The following MAPKAP1 variants were observed in gnomAD, a reference collection of about 807,000 sequenced individuals.
MAPKAP1 encodes the protein target of rapamycin complex 2 subunit MAPKAP1.
In MAPKAP1, 20 loss-of-function variants were observed where a neutral mutation model predicts 65.7. That is an observed-to-expected ratio of 0.30 (90% CI 0.21 to 0.44). MAPKAP1 has a LOEUF of 0.44. MAPKAP1 is among the 20% of genes least tolerant of loss of function. MAPKAP1 has a pLI of 1.00. For synonymous variants in MAPKAP1, 222 were observed against 244.3 expected (o/e 0.91, Z 0.85); for missense variants, 423 against 648.0 (o/e 0.65, Z 3.77).
At chr9:125,470,315 C>T (rs545072087) in intron 9 of MAPKAP1, among the ~76,000 whole-genome samples, 4 of 152,248 alleles carry the variant, frequency 2.6e-5, no homozygotes, top group East Asian at 3.9e-4. Flanking sequence ...GATTTATTGC[C>T]GTACTGAGTT....
At chr9:125,594,424 C>A (rs956809391) in intron 4 of MAPKAP1, among the ~76,000 whole-genome samples, 5 of 152,164 alleles carry the variant, frequency 3.3e-5, no homozygotes, top group African/African-American at 1.2e-4. Context: ...CCTGGCTTTA[C>A]CACTTCCTTA....
intron 7 of MAPKAP1, chr9:125,521,826 G>T: frequency 6.4e-7 from 1 of 1,550,718 alleles, no homozygotes; most frequent in Non-Finnish European, 8.9e-7. Context: ...CCTTCTCTGA[G>T]CTACATGAAA....
In MAPKAP1 at chr9:125,705,484, T is replaced by G. The variant is rs145687595; in HGVS notation, c.-70+1487A>C. Among the ~76,000 whole-genome samples, 499 of 152,282 alleles carry G rather than the reference T, an allele frequency of 3.3e-3. 5 individuals carry two copies. Among genetic ancestry groups the G allele is most frequent in the South Asian group, 0.023 (109 of 4,820 alleles). ...CCGCACCTACCACTGTCACAAGAAC[T>G]CTCACACAATGTACTTATCACGGTG... On this transcript the variant is annotated intron_variant, in intron 1 of 11. Coordinates refer to ENST00000265960, the MANE Select transcript of MAPKAP1 (RefSeq NM_001006617.3).
intron 1 of MAPKAP1, among the ~76,000 whole-genome samples, chr9:125,693,593 A>G (rs1835253020): frequency 6.6e-6 from 1 of 150,716 alleles, no homozygotes; most frequent in Admixed American, 6.6e-5. Context: ...ATACACGTAT[A>G]CACACACACA....
intron 8 of MAPKAP1, among the ~76,000 whole-genome samples, chr9:125,496,817 T>A (rs371925730): frequency 3.9e-4 from 60 of 152,264 alleles, no homozygotes; most frequent in African/African-American, 1.3e-3. Flanking sequence ...CAAGTTCTCC[T>A]TAAAAGCCAT....
chr9:125,591,707 G>A (rs1831970333), intron 4 of MAPKAP1, among the ~76,000 whole-genome samples: 3 of 152,156 alleles, frequency 2.0e-5, no homozygotes, highest in Non-Finnish European at 4.4e-5. Context: ...GGTGGTGGCA[G>A]TTAGCTCTAT....
At chr9:125,481,344 C>T (rs536656622) in intron 9 of MAPKAP1, among the ~76,000 whole-genome samples, 11 of 152,048 alleles carry the variant, frequency 7.2e-5, no homozygotes, top group African/African-American at 1.5e-4. Context: ...GGGGAATGAG[C>T]GGGGATGGAT....
chr9:125,701,300 A>T (rs999116656), intron 1 of MAPKAP1, among the ~76,000 whole-genome samples: 42 of 152,352 alleles, frequency 2.8e-4, no homozygotes, highest in African/African-American at 9.9e-4. Context: ...CATCAGTAAT[A>T]AAAGTATATT....
rs1376352749 is a variant in MAPKAP1, at chr9:125,647,039, C to T, written c.498+10612G>A. Among the ~76,000 whole-genome samples the T allele has an allele frequency of 2.0e-5, 3 of 152,230 alleles. 1 individual carries two copies. Among genetic ancestry groups the T allele is most frequent in the Non-Finnish European group, 4.4e-5 (3 of 68,044 alleles). ...GTTCTCCAGCACCAGCCTTAAATCA[C>T]GCTCTGGTGATGAATCTTTATCTGA... On this transcript the variant is annotated intron_variant, in intron 4 of 11. Transcript: ENST00000265960.
At chr9:125,605,998 T>A (rs182734509) in intron 4 of MAPKAP1, among the ~76,000 whole-genome samples, 87 of 152,306 alleles carry the variant, frequency 5.7e-4, no homozygotes, top group Admixed American at 1.0e-3. Flanking sequence ...AGGAGATCAC[T>A]CTCTTTGAAA....
At chr9:125,607,415 A>T (rs1007346790) in intron 4 of MAPKAP1, among the ~76,000 whole-genome samples, 2 of 152,236 alleles carry the variant, frequency 1.3e-5, no homozygotes, top group African/African-American at 4.8e-5. Flanking sequence ...ATCACCCCAT[A>T]CATTTGACAT....
intron 4 of MAPKAP1, among the ~76,000 whole-genome samples, chr9:125,619,262 G>A (rs1458944317): frequency 6.6e-6 from 1 of 152,140 alleles, no homozygotes; most frequent in Admixed American, 6.5e-5. Flanking sequence ...CCAACTTTTA[G>A]CTTAATGACA....
chr9:125,504,870 A>T (rs1010807099), intron 8 of MAPKAP1, among the ~76,000 whole-genome samples: 4 of 152,158 alleles, frequency 2.6e-5, no homozygotes, highest in African/African-American at 7.2e-5. Flanking sequence ...TTAGAGGGTC[A>T]GTGGCATGAG....
intron 3 of MAPKAP1, among the ~76,000 whole-genome samples, chr9:125,666,366 T>C (rs935048814): frequency 6.6e-6 from 1 of 152,226 alleles, no homozygotes; most frequent in African/African-American, 2.4e-5. Context: ...AACTGGATGT[T>C]GACAGAATAA....
intron 10 of MAPKAP1, among the ~76,000 whole-genome samples, chr9:125,466,037 G>A (rs1436427270): frequency 1.3e-5 from 2 of 152,204 alleles, no homozygotes; most frequent in Non-Finnish European, 2.9e-5. Context: ...GCTTGCCAAT[G>A]TCTGCAAAGG....
intron 10 of MAPKAP1, among the ~76,000 whole-genome samples, chr9:125,459,828 T>G: frequency 1.4e-5 from 2 of 142,500 alleles, no homozygotes; most frequent in African/African-American, 5.5e-5. Flanking sequence ...AGGGAGACCG[T>G]GGAAAGAGAG....
chr9:125,698,323 ATATATATATATAT>A (rs1564622588), intron 1 of MAPKAP1, among the ~76,000 whole-genome samples: 17 of 101,244 alleles, frequency 1.7e-4, no homozygotes, highest in Non-Finnish European at 2.9e-4. Flanking sequence ...ATATATATAT[ATATATATATATAT>A]AAAATATATA....
chr9:125,490,483 G>A (rs1854663551), intron 8 of MAPKAP1, among the ~76,000 whole-genome samples: 1 of 152,078 alleles, frequency 6.6e-6, no homozygotes, highest in South Asian at 2.1e-4. Flanking sequence ...AGGTTGCAGT[G>A]AACCAAGATT....
At chr9:125,498,390 G>C (rs760278033) in intron 8 of MAPKAP1, among the ~76,000 whole-genome samples, 1 of 152,140 alleles carries the variant, frequency 6.6e-6, no homozygotes, top group Non-Finnish European at 1.5e-5. Context: ...TTACTGGCTG[G>C]ATAACTTCGA....
Sources: allele counts gnomAD v4.1 joint callset (sites outside exome capture counted in the v4.1 genomes callset), GRCh38; gene constraint gnomAD v4.1.1; transcripts MANE v1.5; gene names NCBI Gene and HGNC (gene_info 2026-07-23, HGNC 2026-07-21).